MAP2K6: variants seen among roughly 807,000 people sequenced by gnomAD.
MAP2K6 encodes mitogen-activated protein kinase kinase 6, also known as dual specificity mitogen-activated protein kinase kinase 6.
Under a neutral mutation model 53.7 loss-of-function variants are expected in MAP2K6, and 16 were observed. The ratio of observed to expected loss-of-function variants is 0.30; its 90% CI spans 0.20 to 0.45. The LOEUF is 0.45. Ranked by LOEUF, MAP2K6 falls within the 20% of genes least tolerant of loss-of-function variation. The pLI, the probability that MAP2K6 is intolerant of heterozygous loss-of-function variation, is 1.00. For missense variants in MAP2K6, 204 were observed against 411.9 expected (o/e 0.50, Z 4.37); for synonymous variants, 132 against 143.1 (o/e 0.92, Z 0.55).
intron 1 of MAP2K6, among the ~76,000 whole-genome samples, chr17:69,490,357 ACT>A (rs1372256245): frequency 6.6e-6 from 1 of 151,892 alleles, no homozygotes; most frequent in African/African-American, 2.4e-5. Context: ...TCAAATGGAG[ACT>A]CTGTAGATGT....
intron 2 of MAP2K6, among the ~76,000 whole-genome samples, chr17:69,515,039 A>G (rs1910068693): frequency 6.6e-6 from 1 of 151,782 alleles, no homozygotes; most frequent in African/African-American, 2.4e-5. Flanking sequence ...GAGAGACATG[A>G]GTCTTTACCT....
chr17:69,481,514 G>T lies in MAP2K6; in HGVS notation c.17-24266G>T, dbSNP rs561940611. On this transcript the variant is annotated intron_variant, in intron 1 of 11. Coordinates refer to ENST00000590474, the MANE Select transcript of MAP2K6 (RefSeq NM_002758.4). Reference sequence around the variant, plus strand: ...ACCCGTGTGTTAGTTTGCTAGGGCTGTCATAACAGAGTCCCTAGACTGAGT... The same window carrying T: ...ACCCGTGTGTTAGTTTGCTAGGGCTTTCATAACAGAGTCCCTAGACTGAGT... Among the ~76,000 whole-genome samples the T allele has an allele frequency of 2.4e-4, 37 of 152,246 alleles. No homozygotes were observed. The South Asian group carries it at 6.2e-3, about 26-fold the overall frequency.
In MAP2K6 at chr17:69,551,326, G is replaced by A. The variant is rs2144895203; in HGVS notation, c.*9573G>A. On this transcript the variant is annotated 3_prime_UTR_variant, in exon 12 of 12. Transcript: ENST00000590474. ...GCAAAGGTGTTGTAGGTGGAGAAGGGTAATGGAAACCTGGTACAGCCTTTA... is the reference window on the plus strand; with the variant it reads ...GCAAAGGTGTTGTAGGTGGAGAAGGATAATGGAAACCTGGTACAGCCTTTA... 6.6e-6 allele frequency: 1 copy of A among 152,378 alleles called. No homozygotes were observed. Among genetic ancestry groups the A allele is most frequent in the South Asian group, 2.1e-4 (1 of 4,834 alleles). 9.4% of individuals were successfully genotyped at this position (152,378 alleles called of 1,614,324 possible).
chr17:69,432,785 G>A (rs977331705), intron 1 of MAP2K6, among the ~76,000 whole-genome samples: 3 of 147,428 alleles, frequency 2.0e-5, no homozygotes, highest in Non-Finnish European at 4.4e-5. Flanking sequence ...TGCACGTTCT[G>A]CACATGTATC....
chr17:69,423,603 A>G (rs1056576937), intron 1 of MAP2K6, among the ~76,000 whole-genome samples: 7 of 152,220 alleles, frequency 4.6e-5, no homozygotes, highest in South Asian at 2.1e-4. Flanking sequence ...CTGCTCAGCC[A>G]GAGACCTCTT....
chr17:69,421,573 C>T (rs1408777874), intron 1 of MAP2K6, among the ~76,000 whole-genome samples: 1 of 150,746 alleles, frequency 6.6e-6, no homozygotes. Context: ...GAGTCTCGCT[C>T]TGTCACCCAG....
chr17:69,502,577 G>C (rs1183406139), intron 1 of MAP2K6: 1 of 985,202 alleles, frequency 1.0e-6, no homozygotes, highest in Non-Finnish European at 1.2e-6. Context: ...GATATACTTG[G>C]AAATATTAGG....
chr17:69,415,555 A>G lies in MAP2K6; in HGVS notation c.16+555A>G, dbSNP rs559908953. On this transcript the variant is annotated intron_variant, in intron 1 of 11. Coordinates refer to ENST00000590474, the MANE Select transcript of MAP2K6 (RefSeq NM_002758.4). ...TTGATTTTTAAAGGAAGTAAAGGTG[A>G]AGGGTGAATAACAGCATATCACAAA... 8.8e-4 allele frequency among the ~76,000 whole-genome samples: 134 copies of G among 152,320 alleles called. 1 individual carries two copies. The highest frequency in any genetic ancestry group is 3.2e-3 in the African/African-American group (131 of 41,566).
At position 69,547,373 on chromosome 17, in the gene MAP2K6, T is replaced by C. The variant is rs1911918883; in HGVS notation, c.*5620T>C. ...CATCTCTGTCACAGTTACTCAGCTC[T>C]GCTGTTGTATCATGAAAGCATCTAT... is the stretch of plus-strand genomic sequence containing the variant. On this transcript the variant is annotated 3_prime_UTR_variant, in exon 12 of 12. Transcript: ENST00000590474. 6.6e-6 allele frequency: 1 copy of C among 152,274 alleles called. No homozygotes were observed. The highest frequency in any genetic ancestry group is 6.5e-5 in the Admixed American group (1 of 15,294). 9.4% of individuals were successfully genotyped at this position (152,274 alleles called of 1,614,324 possible).
At chr17:69,486,300 A>G (rs534250307) in intron 1 of MAP2K6, among the ~76,000 whole-genome samples, 90 of 152,300 alleles carry the variant, frequency 5.9e-4, no homozygotes, top group Non-Finnish European at 1.1e-3. Context: ...AGAATGGACC[A>G]GTTTCTTGGG....
At chr17:69,482,009 C>T (rs1908366902) in intron 1 of MAP2K6, among the ~76,000 whole-genome samples, 2 of 151,912 alleles carry the variant, frequency 1.3e-5, no homozygotes, top group South Asian at 2.1e-4. Context: ...ATTTAAATGC[C>T]CGTAAAATTT....
In MAP2K6 at chr17:69,549,989, A is replaced by G. The variant is rs1912029730; in HGVS notation, c.*8236A>G. 1.3e-5 allele frequency: 2 copies of G among 152,168 alleles called. No individual in the cohort carries two copies. The highest frequency in any genetic ancestry group is 2.4e-5 in the African/African-American group (1 of 41,444). 9.4% of individuals were successfully genotyped at this position (152,168 alleles called of 1,614,324 possible). A position where few individuals can be genotyped will look rare whatever the true frequency, so the allele number is the denominator to read the frequency against. ...GATTAAAAAAAAAAGCTGGCAGACA[A>G]GTATATCTTTTAATTTATTTGCAGT... On this transcript the variant is annotated 3_prime_UTR_variant, in exon 12 of 12. Coordinates refer to ENST00000590474, the MANE Select transcript of MAP2K6 (RefSeq NM_002758.4).
intron 7 of MAP2K6, chr17:69,521,806 CAAAAAAAAA>C (rs71293537): frequency 6.3e-5 from 5 of 79,340 alleles, no homozygotes; most frequent in African/African-American, 1.9e-4. Context: ...GATAAATGTA[CAAAAAAAAA>C]AAAAAAAAAA....
In MAP2K6 at chr17:69,500,766, GA is replaced by G. The variant is rs1179539038; in HGVS notation, c.17-5003del. On this transcript the variant is annotated intron_variant, in intron 1 of 11. Transcript: ENST00000590474. ...GCAAGATTCCATCTCAAAAAAAAAA[GA>G]AAAAAAAAAAGAGGTTTTCAGCTTT... is the stretch of plus-strand genomic sequence containing the variant. Among the ~76,000 whole-genome samples the G allele has an allele frequency of 8.7e-3, 1,106 of 127,056 alleles. 10 individuals are homozygous for G. The highest frequency in any genetic ancestry group is 0.021 in the African/African-American group (754 of 36,004). The allele number at this position is 127,056 out of a possible 152,430, so 83.4% of individuals were successfully genotyped here. A position where few individuals can be genotyped will look rare whatever the true frequency, so the allele number is the denominator to read the frequency against.
At chr17:69,417,327 T>C (rs1400335353) in intron 1 of MAP2K6, among the ~76,000 whole-genome samples, 2 of 152,178 alleles carry the variant, frequency 1.3e-5, no homozygotes, top group South Asian at 2.1e-4. Context: ...TCTCATAGTA[T>C]TGAAGAATTT....
chr17:69,472,080 A>G (rs1907999905), intron 1 of MAP2K6, among the ~76,000 whole-genome samples: 1 of 152,102 alleles, frequency 6.6e-6, no homozygotes, highest in Non-Finnish European at 1.5e-5. Flanking sequence ...GTTGATTTCA[A>G]GTCCTGTAAA....
chr17:69,548,063 A>C lies in MAP2K6; in HGVS notation c.*6310A>C, dbSNP rs539239407. On this transcript the variant is annotated 3_prime_UTR_variant, in exon 12 of 12. Transcript: ENST00000590474. ...TTCACATTTTAAGGAAGTAGGAAAG[A>C]GTAGTTTGAAGTCACAAAATTTGTT... 1 of 152,202 alleles carries C rather than the reference A, an allele frequency of 6.6e-6. No individual in the cohort carries two copies. Among genetic ancestry groups the C allele is most frequent in the Non-Finnish European group, 1.5e-5 (1 of 68,036 alleles). 9.4% of individuals were successfully genotyped at this position (152,202 alleles called of 1,614,324 possible).
intron 1 of MAP2K6, among the ~76,000 whole-genome samples, chr17:69,463,501 C>A (rs749392208): frequency 1.7e-4 from 26 of 149,630 alleles, no homozygotes; most frequent in Non-Finnish European, 4.4e-5. Context: ...CACACACACA[C>A]ACATATGTAT....
rs1345070413 is a variant in MAP2K6, at chr17:69,548,717, C to CAGTCA, written c.*6964_*6965insAGTCA. Reference sequence around the variant, plus strand: ...TTGCCACCAAATACATCACTCACTACCTGTTCCTGGTGACTACATAGAAGA... The same window carrying CAGTCA: ...TTGCCACCAAATACATCACTCACTACAGTCACTGTTCCTGGTGACTACATAGAAGA... On this transcript the variant is annotated 3_prime_UTR_variant, in exon 12 of 12. Coordinates refer to ENST00000590474, the MANE Select transcript of MAP2K6 (RefSeq NM_002758.4). 1 of 152,188 alleles carries CAGTCA rather than the reference C, an allele frequency of 6.6e-6. No homozygotes were observed. The highest frequency in any genetic ancestry group is 1.5e-5 in the Non-Finnish European group (1 of 68,044). The allele number at this position is 152,188 out of a possible 1,614,324, so 9.4% of individuals were successfully genotyped here. A position where few individuals can be genotyped will look rare whatever the true frequency, so the allele number is the denominator to read the frequency against.
Sources: gnomAD v4.1 joint callset for allele counts (sites outside exome capture counted in the v4.1 genomes callset) on GRCh38, gnomAD v4.1.1 for gene constraint, MANE v1.5 for transcripts, NCBI Gene and HGNC (gene_info 2026-07-23, HGNC 2026-07-21) for gene names.